The following HNF4A variants were observed in gnomAD, a reference collection of about 807,000 sequenced individuals.
The protein encoded by HNF4A is hepatocyte nuclear factor 4 alpha.
A neutral mutation model predicts 52.4 loss-of-function variants in HNF4A; 15 were observed. That is an observed-to-expected ratio of 0.29 (90% CI 0.19 to 0.44). The LOEUF (loss-of-function observed/expected upper bound fraction) is 0.44. Ranked by LOEUF, HNF4A falls within the 20% of genes least tolerant of loss-of-function variation. The pLI is 1.00. For missense variants in HNF4A, 479 were observed against 647.2 expected (o/e 0.74, Z 2.82); for synonymous variants, 280 against 264.4 (o/e 1.06, Z -0.57).
chr20:44,411,388 C>T (rs963217768), intron 3 of HNF4A, among the ~76,000 whole-genome samples: 1 of 152,220 alleles, frequency 6.6e-6, no homozygotes, highest in Non-Finnish European at 1.5e-5. Context: ...ACTGAGCTCG[C>T]GCCGGGCACT....
upstream of HNF4A, among the ~76,000 whole-genome samples, chr20:44,397,509 A>G (rs1448590715): frequency 6.6e-6 from 1 of 152,226 alleles, no homozygotes; most frequent in Non-Finnish European, 1.5e-5. Context: ...TTTGAAATAT[A>G]AAGTAAATGA....
Position 44,362,418 on chromosome 20 carries a change from TAAA to T in HNF4A, c.49+6586_49+6588del, listed in dbSNP as rs36103037. ...CTGGGCAACAGAGGGAAACTTGTCT[TAAA>T]AAAAAAAAAAAAAAAAAAAAGCATG... On this transcript the variant is annotated intron_variant, in intron 1 of 9. Transcript: ENST00000316673. Among the ~76,000 whole-genome samples the T allele has an allele frequency of 8.2e-3, 854 of 104,164 alleles. 9 individuals carry two copies. Among genetic ancestry groups the T allele is most frequent in the African/African-American group, 0.013 (351 of 26,600 alleles). 68.3% of individuals were successfully genotyped at this position (104,164 alleles called of 152,430 possible).
intron 5 of HNF4A, among the ~76,000 whole-genome samples, chr20:44,415,613 C>T (rs1486315724): frequency 6.6e-6 from 1 of 152,212 alleles, no homozygotes; most frequent in Non-Finnish European, 1.5e-5. Context: ...ACCCGTTTCG[C>T]ACCTTTGCAT....
chr20:44,367,722 G>A (rs946582487), intron 1 of HNF4A, among the ~76,000 whole-genome samples: 3 of 151,872 alleles, frequency 2.0e-5, no homozygotes, highest in Non-Finnish European at 4.4e-5. Context: ...TGAGGCAAGA[G>A]GCTCACTTAA....
intron 1 of HNF4A, among the ~76,000 whole-genome samples, chr20:44,374,369 T>C (rs1435701641): frequency 6.6e-6 from 1 of 152,230 alleles, no homozygotes; most frequent in Non-Finnish European, 1.5e-5. Flanking sequence ...TTTTGTTCCC[T>C]TTTATGGCTG....
At chr20:44,423,695 C>T (rs1026208383) in intron 7 of HNF4A, among the ~76,000 whole-genome samples, 1 of 152,240 alleles carries the variant, frequency 6.6e-6, no homozygotes, top group Non-Finnish European at 1.5e-5. Context: ...TATCTTTGCA[C>T]TGTGTCTGGG....
At chr20:44,391,705 G>C (rs1230945270) in intron 1 of HNF4A, among the ~76,000 whole-genome samples, 4 of 152,214 alleles carry the variant, frequency 2.6e-5, no homozygotes, top group African/African-American at 9.7e-5. Context: ...TCTCCAGGTT[G>C]TGATATTAAA....
At chr20:44,390,373 T>C in intron 1 of HNF4A, 1 of 482,154 alleles carries the variant, frequency 2.1e-6, no homozygotes, top group Non-Finnish European at 3.7e-6. Context: ...TCCAGACCAC[T>C]GTGTCTCCCA....
chr20:44,358,072 C>T (rs562865881), intron 1 of HNF4A, among the ~76,000 whole-genome samples: 1 of 147,732 alleles, frequency 6.8e-6, no homozygotes, highest in African/African-American at 2.5e-5. Flanking sequence ...GCTGAAAGAC[C>T]CTGATTTGAT....
chr20:44,370,627 G>T (rs1205288598), intron 1 of HNF4A, among the ~76,000 whole-genome samples: 1 of 152,220 alleles, frequency 6.6e-6, no homozygotes. Flanking sequence ...TTCCATGACA[G>T]CAGGGAGTTA....
At chr20:44,356,519 G>A (rs531024819) in intron 1 of HNF4A, among the ~76,000 whole-genome samples, 1 of 152,248 alleles carries the variant, frequency 6.6e-6, no homozygotes, top group Admixed American at 6.5e-5. Context: ...AGCGTGAGAC[G>A]TCTTTACAGT....
chr20:44,405,939 G>C (rs897586243), intron 1 of HNF4A, 119 bp from the exon 2 acceptor site: 1 of 952,256 alleles, frequency 1.1e-6, no homozygotes, highest in African/African-American at 1.6e-5. Context: ...AGGTGATGGA[G>C]TGGGAACAGC....
chr20:44,375,141 T>C (rs1275015820), intron 1 of HNF4A, among the ~76,000 whole-genome samples: 2 of 151,498 alleles, frequency 1.3e-5, no homozygotes, highest in African/African-American at 4.9e-5. Flanking sequence ...ATTAGTGATG[T>C]TGAACATTTT....
intron 1 of HNF4A, among the ~76,000 whole-genome samples, chr20:44,367,933 A>G (rs577289105): frequency 2.0e-5 from 3 of 151,460 alleles, no homozygotes; most frequent in Non-Finnish European, 4.4e-5. Flanking sequence ...TTCAACATCA[A>G]GGATTGTATT....
intron 1 of HNF4A, chr20:44,390,588 C>T: frequency 1.4e-6 from 1 of 702,186 alleles, no homozygotes; most frequent in Non-Finnish European, 2.6e-6. Flanking sequence ...GGAGCTCCCT[C>T]AAGGATGAAG....
intron 3 of HNF4A, among the ~76,000 whole-genome samples, chr20:44,409,584 C>T (rs1013051055): frequency 3.3e-5 from 5 of 152,136 alleles, no homozygotes; most frequent in African/African-American, 1.2e-4. Context: ...GATGGCTACC[C>T]ACCTCCACTG....
At chr20:44,370,622 T>A (rs972688311) in intron 1 of HNF4A, among the ~76,000 whole-genome samples, 1 of 152,216 alleles carries the variant, frequency 6.6e-6, no homozygotes, top group East Asian at 1.9e-4. Flanking sequence ...AGAAGTTCCA[T>A]GACAGCAGGG....
At chr20:44,357,461 G>T (rs149239337) in intron 1 of HNF4A, among the ~76,000 whole-genome samples, 32 of 152,256 alleles carry the variant, frequency 2.1e-4, no homozygotes, top group Non-Finnish European at 3.8e-4. Flanking sequence ...TCTCAAAGGG[G>T]CCAGACAGCT....
chr20:44,374,919 G>A (rs1266582182), intron 1 of HNF4A, among the ~76,000 whole-genome samples: 1 of 152,186 alleles, frequency 6.6e-6, no homozygotes, highest in Non-Finnish European at 1.5e-5. Flanking sequence ...TCTCCAAATA[G>A]CTTTCCACAG....
Sources: gnomAD v4.1 joint callset for allele counts (sites outside exome capture counted in the v4.1 genomes callset) on GRCh38, gnomAD v4.1.1 for gene constraint, MANE v1.5 for transcripts, NCBI Gene and HGNC (gene_info 2026-07-23, HGNC 2026-07-21) for gene names.